FGF14: variants seen among roughly 807,000 people sequenced by gnomAD.
FGF14 encodes the protein fibroblast growth factor homologous factor 4.
A neutral mutation model predicts 25.5 loss-of-function variants in FGF14; 5 were observed. That is an observed-to-expected ratio of 0.20 (90% CI 0.10 to 0.41). The LOEUF is 0.41. Ranked by LOEUF, FGF14 falls within the 10% of genes least tolerant of loss-of-function variation. The probability of loss-of-function intolerance (pLI) is 1.00; values close to 1 mark genes in which losing one functional copy is unlikely to be tolerated. For missense variants in FGF14, 222 were observed against 320.1 expected (o/e 0.69, Z 2.34); for synonymous variants, 138 against 118.3 (o/e 1.17, Z -1.08).
intron 1 of FGF14, among the ~76,000 whole-genome samples, chr13:102,379,273 TCTAA>T (rs1391784314): frequency 1.3e-5 from 2 of 152,148 alleles, no homozygotes; most frequent in Middle Eastern, 3.4e-3. Flanking sequence ...TCAATATTAC[TCTAA>T]CTACATTCAT....
chr13:102,034,323 G>A (rs1023206468), intron 1 of FGF14, among the ~76,000 whole-genome samples: 4 of 152,112 alleles, frequency 2.6e-5, no homozygotes, highest in Admixed American at 2.6e-4. Flanking sequence ...AGAGAACAAT[G>A]AATGAGAAGG....
In FGF14 at chr13:102,400,334, T is replaced by C. The variant is rs2058673786; in HGVS notation, c.208+1137A>G. 6.6e-6 allele frequency among the ~76,000 whole-genome samples: 1 copy of C among 152,084 alleles called. No homozygotes were observed. Among genetic ancestry groups the C allele is most frequent in the Non-Finnish European group, 1.5e-5 (1 of 67,996 alleles). On this transcript the variant is annotated intron_variant, in intron 1 of 4. Coordinates refer to the FGF14 transcript ENST00000376131. This position sits in a 1 kb window ranked among gnomAD's most constrained non-coding sequence, Gnocchi z 4.3. ...ACTGCGGGACGGCCGATCTGCCCGCTCCCTCCTTCAGACACAACCCCAGAC... is the reference window on the plus strand; with the variant it reads ...ACTGCGGGACGGCCGATCTGCCCGCCCCCTCCTTCAGACACAACCCCAGAC...
intron 1 of FGF14, among the ~76,000 whole-genome samples, chr13:102,099,663 C>G (rs565591604): frequency 2.0e-5 from 3 of 152,146 alleles, no homozygotes; most frequent in African/African-American, 7.2e-5. Flanking sequence ...AGCCCAAGCT[C>G]TCTCCAATTC....
intron 3 of FGF14, among the ~76,000 whole-genome samples, chr13:101,781,229 T>G (rs1576183): frequency 1.3e-5 from 2 of 152,102 alleles, no homozygotes; most frequent in Non-Finnish European, 2.9e-5. Context: ...TGATCTTGCC[T>G]TTCTCTTATT....
chr13:101,945,315 TC>T (rs1204790110), intron 1 of FGF14, among the ~76,000 whole-genome samples: 4 of 152,056 alleles, frequency 2.6e-5, no homozygotes, highest in African/African-American at 9.7e-5. Context: ...TGAAACTCCA[TC>T]CCAAAAAAAT....
At chr13:101,794,752 G>A (rs920502159) in intron 3 of FGF14, among the ~76,000 whole-genome samples, 2 of 152,068 alleles carry the variant, frequency 1.3e-5, no homozygotes, top group African/African-American at 4.8e-5. Flanking sequence ...TTATGAAATG[G>A]AAAAGTTGGC....
intron 3 of FGF14, among the ~76,000 whole-genome samples, chr13:101,747,173 A>G (rs574315003): frequency 6.6e-6 from 1 of 152,122 alleles, no homozygotes; most frequent in African/African-American, 2.4e-5. Context: ...AAGCCTCAGA[A>G]TAGCCTCTGG....
At chr13:102,082,596 C>T (rs2607650) in intron 1 of FGF14, among the ~76,000 whole-genome samples, 3 of 152,260 alleles carry the variant, frequency 2.0e-5, no homozygotes, top group African/African-American at 7.2e-5. Context: ...TGAAAATAGA[C>T]GCGTACATTC....
At chr13:102,310,651 TTCTCTCTC>T (rs34400050) in intron 1 of FGF14, among the ~76,000 whole-genome samples, 28 of 45,800 alleles carry the variant, frequency 6.1e-4, no homozygotes, top group African/African-American at 1.8e-3. Flanking sequence ...CTCTTCCCGT[TTCTCTCTC>T]TCTCTCTCTC....
At chr13:102,261,841 G>A (rs1269688375) in intron 1 of FGF14, among the ~76,000 whole-genome samples, 1 of 152,202 alleles carries the variant, frequency 6.6e-6, no homozygotes, top group African/African-American at 2.4e-5. Context: ...GTTTTGTTGA[G>A]CTGGGGATAT....
intron 1 of FGF14, among the ~76,000 whole-genome samples, chr13:102,322,008 A>C (rs761475302): frequency 6.6e-6 from 1 of 152,202 alleles, no homozygotes; most frequent in Admixed American, 6.5e-5. Context: ...GAGCCTAGGA[A>C]GGGTGAGATT....
At position 101,721,212 on chromosome 13, in the gene FGF14, A is replaced by C. The variant is rs2034955349; in HGVS notation, c.*1619T>G. On this transcript the variant is annotated 3_prime_UTR_variant, in exon 5 of 5. Transcript: ENST00000376143. ...TTAGGTGTACACAGAGTTAACAAAT[A>C]AATTCCCAAACAGTTTAGTATGAAA... The C allele has an allele frequency of 6.6e-6, 1 of 152,112 alleles. No homozygotes were observed. Among genetic ancestry groups the C allele is most frequent in the Non-Finnish European group, 1.5e-5 (1 of 68,012 alleles). The allele number at this position is 152,112 out of a possible 1,614,324, so 9.4% of individuals were successfully genotyped here.
chr13:102,058,183 A>G (rs553597153), intron 1 of FGF14, among the ~76,000 whole-genome samples: 2 of 152,326 alleles, frequency 1.3e-5, no homozygotes, highest in Admixed American at 6.5e-5. Flanking sequence ...TCCTGCTTAT[A>G]TGGATGTGAT....
chr13:102,017,277 C>G (rs146701869), intron 1 of FGF14, among the ~76,000 whole-genome samples: 5 of 152,208 alleles, frequency 3.3e-5, no homozygotes, highest in African/African-American at 9.6e-5. Flanking sequence ...AGTATATTCT[C>G]CAGTAATTAA....
At chr13:102,240,351 G>A (rs978342476) in intron 1 of FGF14, among the ~76,000 whole-genome samples, 8 of 151,944 alleles carry the variant, frequency 5.3e-5, no homozygotes, top group African/African-American at 1.7e-4. Flanking sequence ...TGCTTTCCCC[G>A]GCTCACACAT....
intron 1 of FGF14, among the ~76,000 whole-genome samples, chr13:102,344,943 A>C (rs932994138): frequency 6.6e-6 from 1 of 152,192 alleles, no homozygotes; most frequent in African/African-American, 2.4e-5. Flanking sequence ...CACGCTGTTG[A>C]AGCAGGGAAG....
At chr13:102,069,154 TCAG>T (rs913215955) in intron 1 of FGF14, among the ~76,000 whole-genome samples, 13 of 151,682 alleles carry the variant, frequency 8.6e-5, no homozygotes, top group Non-Finnish European at 1.3e-4. Flanking sequence ...AACACACCAA[TCAG>T]CACCCTGTGT....
chr13:101,848,587 T>C (rs2043587340), intron 3 of FGF14, among the ~76,000 whole-genome samples: 1 of 151,998 alleles, frequency 6.6e-6, no homozygotes, highest in African/African-American at 2.4e-5. Flanking sequence ...TATAGGTAAT[T>C]TTTCCAGCCA....
chr13:102,123,622 C>G (rs748213958), intron 1 of FGF14, among the ~76,000 whole-genome samples: 5 of 151,808 alleles, frequency 3.3e-5, no homozygotes, highest in Admixed American at 6.6e-5. Flanking sequence ...GATAATGGCC[C>G]TACCATTTTC....
Sources: gnomAD v4.1 joint callset for allele counts (sites outside exome capture counted in the v4.1 genomes callset) on GRCh38, gnomAD v4.1.1 for gene constraint, Gnocchi (gnomAD v3.1) non-coding constraint, MANE v1.5 for transcripts, NCBI Gene and HGNC (gene_info 2026-07-23, HGNC 2026-07-21) for gene names.